Variants in STEAP1B observed in about 807,000 individuals in gnomAD.
The protein encoded by STEAP1B is STEAP family member 1B.
In STEAP1B, 13 loss-of-function variants were observed where a neutral mutation model predicts 27.9. The observed-to-expected ratio is 0.47, with a 90% CI of 0.30 to 0.74. STEAP1B has a LOEUF of 0.74. STEAP1B is among the 30% of genes least tolerant of loss of function. The probability of loss-of-function intolerance (pLI) is 0.06; values close to 1 mark genes in which losing one functional copy is unlikely to be tolerated. For synonymous variants in STEAP1B, 86 were observed against 107.1 expected (o/e 0.80, Z 1.22); for missense variants, 250 against 298.7 (o/e 0.84, Z 1.20).
At chr7:22,440,893 T>C (rs1785322769) in intron 4 of STEAP1B, among the ~76,000 whole-genome samples, 1 of 151,352 alleles carries the variant, frequency 6.6e-6, no homozygotes, top group East Asian at 1.9e-4. Context: ...TATATTTTCT[T>C]AATTTAAAAT....
At chr7:22,484,423 T>C (rs1036624509) in intron 4 of STEAP1B, among the ~76,000 whole-genome samples, 2 of 152,200 alleles carry the variant, frequency 1.3e-5, no homozygotes, top group Non-Finnish European at 2.9e-5. Flanking sequence ...AACACATCTG[T>C]TTACAGCATG....
intron 4 of STEAP1B, among the ~76,000 whole-genome samples, chr7:22,435,308 A>AAG (rs1479681945): frequency 6.6e-6 from 1 of 152,020 alleles, no homozygotes; most frequent in Admixed American, 6.6e-5. Flanking sequence ...GTGTAACCAT[A>AAG]AGGCAAGGTC....
chr7:22,471,111 G>T (rs754213267), intron 4 of STEAP1B, among the ~76,000 whole-genome samples: 1 of 152,084 alleles, frequency 6.6e-6, no homozygotes, highest in Non-Finnish European at 1.5e-5. Context: ...CATTTCCTAC[G>T]GAGTGCAGCC....
chr7:22,485,640 C>T (rs1473240610), intron 4 of STEAP1B, among the ~76,000 whole-genome samples: 1 of 152,086 alleles, frequency 6.6e-6, no homozygotes, highest in African/African-American at 2.4e-5. Flanking sequence ...CTTTTATATG[C>T]ACTGGGAAAC....
At chr7:22,456,972 A>ATT (rs3064738) in intron 4 of STEAP1B, among the ~76,000 whole-genome samples, 8 of 57,074 alleles carry the variant, frequency 1.4e-4, no homozygotes, top group African/African-American at 3.5e-4. Context: ...ATATATATAT[A>ATT]TTTTTTTTTT....
chr7:22,461,974 C>T (rs556868070), intron 4 of STEAP1B, among the ~76,000 whole-genome samples: 68 of 152,274 alleles, frequency 4.5e-4, no homozygotes, highest in Admixed American at 8.5e-4. Context: ...ACGTAGTAAA[C>T]GCTTGGTAAT....
intron 4 of STEAP1B, among the ~76,000 whole-genome samples, chr7:22,467,656 G>A (rs1314320480): frequency 6.6e-6 from 1 of 152,128 alleles, no homozygotes; most frequent in Admixed American, 6.5e-5. Flanking sequence ...AACCCCTTTT[G>A]CTTGGATCTC....
At chr7:22,419,877 A>T in intron 4 of STEAP1B, 41 bp from the exon 5 acceptor site, 1 of 1,540,368 alleles carries the variant, frequency 6.5e-7, no homozygotes, top group South Asian at 1.2e-5. Context: ...GTATAGAAGT[A>T]GTGACTATCA....
At chr7:22,431,486 T>C (rs1337549622) in intron 4 of STEAP1B, among the ~76,000 whole-genome samples, 9 of 152,198 alleles carry the variant, frequency 5.9e-5, no homozygotes, top group Non-Finnish European at 1.3e-4. Context: ...GGCGATGAAG[T>C]ATGTTGATTG....
intron 4 of STEAP1B, among the ~76,000 whole-genome samples, chr7:22,471,110 C>T (rs766912630): frequency 7.2e-5 from 11 of 152,168 alleles, no homozygotes; most frequent in Non-Finnish European, 1.3e-4. Context: ...GCATTTCCTA[C>T]GGAGTGCAGC....
chr7:22,465,258 G>T (rs1003631338), intron 4 of STEAP1B, among the ~76,000 whole-genome samples: 1 of 151,884 alleles, frequency 6.6e-6, no homozygotes, highest in Non-Finnish European at 1.5e-5. Flanking sequence ...TAAAACTTAT[G>T]AATTGTTTAT....
At chr7:22,446,439 A>G (rs1785410393) in intron 4 of STEAP1B, among the ~76,000 whole-genome samples, 1 of 152,216 alleles carries the variant, frequency 6.6e-6, no homozygotes, top group South Asian at 2.1e-4. Context: ...CAACCCCAGA[A>G]AGACAGAATC....
At chr7:22,465,632 G>A (rs1383122718) in intron 4 of STEAP1B, among the ~76,000 whole-genome samples, 2 of 151,954 alleles carry the variant, frequency 1.3e-5, no homozygotes, top group East Asian at 1.9e-4. Flanking sequence ...TGGGTGTTGC[G>A]CCCAACCCCT....
At chr7:22,439,358 T>A (rs962501282) in intron 4 of STEAP1B, among the ~76,000 whole-genome samples, 7 of 152,186 alleles carry the variant, frequency 4.6e-5, no homozygotes, top group African/African-American at 1.7e-4. Flanking sequence ...GCAAAAGAGC[T>A]GCCACATAGC....
chr7:22,427,297 G>C (rs1342540728), intron 4 of STEAP1B, among the ~76,000 whole-genome samples: 1 of 152,194 alleles, frequency 6.6e-6, no homozygotes, highest in African/African-American at 2.4e-5. Flanking sequence ...CAAGCAAGAG[G>C]CAATGATTTA....
intron 4 of STEAP1B, among the ~76,000 whole-genome samples, chr7:22,453,370 T>G (rs1345530932): frequency 6.6e-6 from 1 of 150,378 alleles, no homozygotes; most frequent in Non-Finnish European, 1.5e-5. Flanking sequence ...AGTTTCTTAC[T>G]GCCTCCCTCA....
intron 4 of STEAP1B, among the ~76,000 whole-genome samples, chr7:22,477,412 A>G (rs1189208160): frequency 6.6e-6 from 1 of 152,064 alleles, no homozygotes; most frequent in African/African-American, 2.4e-5. Context: ...GGTGACATCC[A>G]GCCTGACAAA....
At chr7:22,437,488 AT>A (rs1785269902) in intron 4 of STEAP1B, among the ~76,000 whole-genome samples, 1 of 152,222 alleles carries the variant, frequency 6.6e-6, no homozygotes, top group Non-Finnish European at 1.5e-5. Context: ...CATTTTCGTT[AT>A]CCATTCATCT....
rs187784689 is a variant in STEAP1B at position 22,442,628 on chromosome 7, C to A, written c.763-22792G>T. On this transcript the variant is annotated intron_variant, in intron 4 of 4. Coordinates refer to ENST00000678116, the MANE Select transcript of STEAP1B (RefSeq NM_001382447.1). ...GTGTAAAGGAATGCTGGGTGCTGAT[C>A]TGACAAAGGACCTGACGATGCCTTT... 4.5e-4 allele frequency among the ~76,000 whole-genome samples: 69 copies of A among 152,330 alleles called. No individual in the cohort carries two copies. The East Asian group carries it at 0.013, about 28-fold the overall frequency.
Sources: allele counts gnomAD v4.1 joint callset (sites outside exome capture counted in the v4.1 genomes callset), GRCh38; gene constraint gnomAD v4.1.1; transcripts MANE v1.5; gene names NCBI Gene and HGNC (gene_info 2026-07-23, HGNC 2026-07-21).